DHX35: variants seen among roughly 807,000 people sequenced by gnomAD.
DHX35 encodes the protein probable ATP-dependent RNA helicase DHX35.
DHX35 carries 84 observed loss-of-function variants against 99.6 expected under a neutral mutation model. That is an observed-to-expected ratio of 0.84 (90% CI 0.71 to 1.01). The LOEUF is 1.01. DHX35 is among the 50% of genes least tolerant of loss of function. DHX35 has a pLI of 0.00. For missense variants in DHX35, 852 were observed against 888.5 expected (o/e 0.96, Z 0.52); for synonymous variants, 331 against 316.2 (o/e 1.05, Z -0.50).
chr20:39,004,753 G>T (rs75290867), intron 11 of DHX35, among the ~76,000 whole-genome samples: 5 of 152,334 alleles, frequency 3.3e-5, no homozygotes, highest in African/African-American at 9.6e-5. Context: ...ATTAGATGAG[G>T]ACTGCACAGA....
chr20:39,020,223 A>G (rs908948382), intron 15 of DHX35, among the ~76,000 whole-genome samples: 2 of 152,234 alleles, frequency 1.3e-5, no homozygotes, highest in Admixed American at 1.3e-4. Flanking sequence ...GAATGCAGAT[A>G]TCTCCTTGAA....
chr20:39,009,214 A>G (rs970961564), intron 12 of DHX35, among the ~76,000 whole-genome samples: 2 of 152,172 alleles, frequency 1.3e-5, no homozygotes, highest in South Asian at 4.1e-4. Flanking sequence ...GGGTTATCCT[A>G]TCAAGAAGCT....
chr20:38,988,832 A>T lies in DHX35; in HGVS notation c.365A>T (p.Glu122Val). Reference sequence around the variant, plus strand: ...CCAAAGGTTGCAGGGAGAGTAGCTGAAGAAAGGGGTGCAGTGCTGGGCCAC... The same window carrying T: ...CCAAAGGTTGCAGGGAGAGTAGCTGTAGAAAGGGGTGCAGTGCTGGGCCAC... ...AAVTVAGRVA[E>V]ERGAVLGHEV... The change falls in exon 5 of 22, where the codon GAA (glutamate) becomes GTA (valine). Residue 122 changes from glutamate to valine, a missense_variant. Glu to Val is a moderately radical substitution (Grantham distance 121). Transcript: ENST00000252011. 1.9e-6 allele frequency: 3 copies of T among 1,613,880 alleles called. No individual in the cohort carries two copies. Among genetic ancestry groups the T allele is most frequent in the Non-Finnish European group, 2.5e-6 (3 of 1,179,870 alleles).
intron 20 of DHX35, 117 bp downstream of exon 20, chr20:39,030,892 G>GCCACCACGCC: frequency 8.8e-7 from 1 of 1,142,824 alleles, no homozygotes; most frequent in Non-Finnish European, 1.3e-6. Flanking sequence ...GCCGGGCGTG[G>GCCACCACGCC]TGGCTCACGC....
chr20:39,007,764 G>A (rs958230244), intron 12 of DHX35, among the ~76,000 whole-genome samples: 2 of 152,178 alleles, frequency 1.3e-5, no homozygotes, highest in Admixed American at 6.5e-5. Context: ...AGAACCCAGG[G>A]CCTGAGGACC....
chr20:39,012,490 G>T (rs2086719682), intron 13 of DHX35, among the ~76,000 whole-genome samples: 1 of 151,762 alleles, frequency 6.6e-6, no homozygotes, highest in South Asian at 2.1e-4. Flanking sequence ...TAGGAGAGAG[G>T]TGACTGCACG....
At chr20:39,008,837 A>G (rs990766712) in intron 12 of DHX35, among the ~76,000 whole-genome samples, 10 of 152,170 alleles carry the variant, frequency 6.6e-5, no homozygotes, top group African/African-American at 2.4e-4. Context: ...TTGTCCTTCA[A>G]ATCCTCCCTC....
At chr20:38,983,820 A>C (rs1356582782) in intron 4 of DHX35, 44 bp downstream of exon 4, 1 of 1,546,516 alleles carries the variant, frequency 6.5e-7, no homozygotes, top group South Asian at 1.1e-5. Flanking sequence ...TGTGTTGTCT[A>C]CATTTGTGAT....
In DHX35 at chr20:38,969,491, A is replaced by C. The variant is rs182379436; in HGVS notation, c.174+277A>C. Among the ~76,000 whole-genome samples the C allele has an allele frequency of 4.6e-5, 7 of 152,304 alleles. No homozygotes were observed. In the South Asian group the frequency reaches 1.4e-3, roughly 32 times the overall value. The stretch of plus-strand genomic sequence containing the variant: ...CCTTTATTCCTTTCAGCTGTGGACA[A>C]TTTCAGATATACAGAAAAGTAGAGA... On this transcript the variant is annotated intron_variant, in intron 2 of 21. Transcript: ENST00000252011.
rs185746914 is a variant in DHX35 at position 38,968,239 on chromosome 20, G to A, written c.41-842G>A. Among the ~76,000 whole-genome samples, 56 of 152,258 alleles carry A rather than the reference G, an allele frequency of 3.7e-4. 1 individual carries two copies. The highest frequency in any genetic ancestry group is 8.9e-4 in the African/African-American group (37 of 41,534). On this transcript the variant is annotated intron_variant, in intron 1 of 21. Transcript: ENST00000252011. ...GTGAACCCTGGCACTGCCGGCAGCC[G>A]TCTTTCCAGCTCCTGTACAGTAGCC...
intron 1 of DHX35, chr20:38,962,613 C>G: frequency 1.6e-6 from 1 of 606,480 alleles, no homozygotes; most frequent in Admixed American, 3.1e-5. Flanking sequence ...TGAGCAGAAA[C>G]TCTTTGTGAC....
rs747070185 is a variant in DHX35 at position 39,025,295 on chromosome 20, G to A, written c.1737G>A (p.Ala579=). The A allele has an allele frequency of 7.4e-6, 12 of 1,613,578 alleles. No individual in the cohort carries two copies. The East Asian group carries it at 1.3e-4, about 18-fold the overall frequency. The change falls in exon 18 of 22, where the codon GCG becomes GCA. Residue 579 remains alanine (A), a synonymous_variant. Transcript: ENST00000252011. ...ATTACAAGGGTCTTGTCAGAGCTGC[G>A]ACTGTAAGAGAACAATTGAAAAAGC... ...FLNYKGLVRA[A]TVREQLKKLL...
intron 8 of DHX35, 118 bp downstream of exon 8, chr20:38,994,998 G>T: frequency 1.3e-6 from 1 of 790,118 alleles, no homozygotes; most frequent in Non-Finnish European, 2.1e-6. Context: ...CTTCTTTATG[G>T]GACCATCTGA....
At chr20:39,025,499 G>C in intron 18 of DHX35, 140 bp downstream of exon 18, 3 of 1,095,706 alleles carry the variant, frequency 2.7e-6, no homozygotes, top group Non-Finnish European at 2.5e-6. Context: ...TGAGTTGCCT[G>C]CATCTGTGAA....
At chr20:39,021,770 A>G in intron 15 of DHX35, 71 bp from the exon 16 acceptor site, 3 of 1,434,726 alleles carry the variant, frequency 2.1e-6, no homozygotes, top group Non-Finnish European at 2.9e-6. Context: ...CAAGGAAAGT[A>G]TCAGAAAATG....
rs781730397 is a variant in DHX35 at position 38,969,066 on chromosome 20, AC to A, written c.41-14del. 1 of 1,575,430 alleles carries A rather than the reference AC, an allele frequency of 6.3e-7. No homozygotes were observed. Among genetic ancestry groups the A allele is most frequent in the South Asian group, 1.1e-5 (1 of 86,960 alleles). Reference sequence around the variant, plus strand: ...TTGTATCAGAGAATCTGAAAAAAAAACATTTCTGCTGCAGGTACAGAGGGGC... The same window carrying A: ...TTGTATCAGAGAATCTGAAAAAAAAAATTTCTGCTGCAGGTACAGAGGGGC... On this transcript the variant is annotated splice_polypyrimidine_tract_variant and intron_variant, in intron 1 of 21. Coordinates refer to ENST00000252011, the MANE Select transcript of DHX35 (RefSeq NM_021931.4).
intron 18 of DHX35, among the ~76,000 whole-genome samples, 182 bp downstream of exon 18, chr20:39,025,541 A>G (rs1261959740): frequency 6.6e-6 from 1 of 152,148 alleles, no homozygotes; most frequent in Non-Finnish European, 1.5e-5. Flanking sequence ...ATTTTTTCCA[A>G]GGAGGTCTAT....
intron 14 of DHX35, among the ~76,000 whole-genome samples, chr20:39,016,039 A>G (rs1338145159): frequency 6.6e-6 from 1 of 152,170 alleles, no homozygotes; most frequent in Non-Finnish European, 1.5e-5. Context: ...AGGCTGGGTA[A>G]TTTCTAAAGA....
chr20:39,003,807 C>G lies in DHX35; in HGVS notation c.911C>G (p.Thr304Ser), dbSNP rs556630902. ...LIEQARALAR[T>S]GMKRHLRVLP... ...GAGCAGGCTCGAGCACTAGCTCGCA[C>G]TGGGATGAAGAGACACCTCCGAGTT... is the stretch of plus-strand genomic sequence containing the variant. Residue 304 changes from threonine to serine, a missense_variant, in exon 11 of 22, where the codon ACT becomes AGT. Coordinates refer to ENST00000252011, the MANE Select transcript of DHX35 (RefSeq NM_021931.4). The G allele has an allele frequency of 6.2e-7, 1 of 1,614,204 alleles. No individual in the cohort carries two copies. The highest frequency in any genetic ancestry group is 8.5e-7 in the Non-Finnish European group (1 of 1,180,040).
Sources: gnomAD v4.1 joint callset for allele counts (sites outside exome capture counted in the v4.1 genomes callset) on GRCh38, gnomAD v4.1.1 for gene constraint, MANE v1.5 for transcripts, NCBI Gene and HGNC (gene_info 2026-07-23, HGNC 2026-07-21) for gene names.